Variants in KLK11 observed in about 807,000 individuals in gnomAD.
KLK11 encodes kallikrein related peptidase 11.
Under a neutral mutation model 23.4 loss-of-function variants are expected in KLK11, and 10 were observed. The observed-to-expected ratio is 0.43, with a 90% CI of 0.26 to 0.73. KLK11 has a LOEUF of 0.73. Ranked by LOEUF, KLK11 falls within the 30% of genes least tolerant of loss-of-function variation. KLK11 has a pLI of 0.22. For synonymous variants in KLK11, 131 were observed against 131.7 expected, an observed-to-expected ratio of 0.99 and a Z score of 0.03; for missense variants, 285 against 327.8, an observed-to-expected ratio of 0.87 and a Z score of 1.01.
Position 51,024,142 on chromosome 19 carries a change from G to A in KLK11, c.366C>T (p.Ile122=). 6.2e-7 allele frequency: 1 copy of A among 1,612,344 alleles called. No individual in the cohort carries two copies. Among genetic ancestry groups the A allele is most frequent in the Non-Finnish European group, 8.5e-7 (1 of 1,178,712 alleles). ...MLVKMASPVS[I]TWAVRPLTLS... ...GGGTGAGGGGTCGCACAGCCCAGGT[G>A]ATGGAGACTGGCGATGCCATCTTCA... Residue 122 remains isoleucine (I), a synonymous_variant, in exon 4 of 6, where the codon ATC becomes ATT. Coordinates refer to ENST00000453757, the MANE Select transcript of KLK11 (RefSeq NM_001136032.3). This position sits in a 1 kb window ranked among gnomAD's most constrained non-coding sequence, Gnocchi z 6.2.
rs2091415833 is a variant in KLK11 at position 51,022,532 on chromosome 19, G to T, written c.*13C>A. ...GAAATGGAGGGTGATGGGCTGTGGT[G>T]GGTGGGTCCAGTCTAATTGTTCTTC... is the stretch of plus-strand genomic sequence containing the variant. On this transcript the variant is annotated 3_prime_UTR_variant, in exon 6 of 6. Coordinates refer to ENST00000453757, the MANE Select transcript of KLK11 (RefSeq NM_001136032.3). 6.2e-7 allele frequency: 1 copy of T among 1,613,930 alleles called. No homozygotes were observed. Among genetic ancestry groups the T allele is most frequent in the African/African-American group, 1.3e-5 (1 of 75,020 alleles).
In KLK11 at chr19:51,024,382, C is replaced by T. The variant is rs866200611; in HGVS notation, c.198-72G>A. On this transcript the variant is annotated intron_variant, in intron 3 of 5. Transcript: ENST00000453757. This position sits in a 1 kb window ranked among gnomAD's most constrained non-coding sequence, Gnocchi z 6.2. Reference sequence around the variant, plus strand: ...CATGGGTGGGAGAGGTGAGTGACACCTTTGAGGATGAAGAAACATCGCTCT... The same window carrying T: ...CATGGGTGGGAGAGGTGAGTGACACTTTTGAGGATGAAGAAACATCGCTCT... The T allele has an allele frequency of 7.0e-6, 11 of 1,573,698 alleles. No individual in the cohort carries two copies. In the African/African-American group the frequency reaches 1.2e-4, roughly 17 times the overall value.
intron 4 of KLK11, 101 bp downstream of exon 4, chr19:51,023,944 A>G (rs2091438627): frequency 1.9e-6 from 2 of 1,046,974 alleles, no homozygotes; most frequent in Non-Finnish European, 2.6e-6. Flanking sequence ...CTTATCCCAC[A>G]TCGTCACTGT....
At position 51,025,801 on chromosome 19, in the gene KLK11, C is replaced by T. The variant is rs778819168; in HGVS notation, c.-35-135G>A. On this transcript the variant is annotated intron_variant, in intron 1 of 5. Transcript: ENST00000453757. The surrounding 1 kb of genome is among the most constrained non-coding windows in gnomAD (Gnocchi z 6.2). Reference sequence around the variant, plus strand: ...GGAGAAACAAGGTTGGGGAAATCCCCTGTTTCTCACAGCACTCAGATCTCC... The same window carrying T: ...GGAGAAACAAGGTTGGGGAAATCCCTTGTTTCTCACAGCACTCAGATCTCC... 70 of 512,952 alleles carry T rather than the reference C, an allele frequency of 1.4e-4. No homozygotes were observed. Among genetic ancestry groups the T allele is most frequent in the Middle Eastern group, 1.0e-3 (2 of 1,940 alleles). 31.8% of individuals were successfully genotyped at this position (512,952 alleles called of 1,614,324 possible). A position where few individuals can be genotyped will look rare whatever the true frequency, so the allele number is the denominator to read the frequency against.
At position 51,023,240 on chromosome 19, in the gene KLK11, G is replaced by A. The variant is rs2091429513; in HGVS notation, c.464-12C>T. 6.2e-6 allele frequency: 10 copies of A among 1,610,696 alleles called. No individual in the cohort carries two copies. Among genetic ancestry groups the A allele is most frequent in the Admixed American group, 1.7e-5 (1 of 59,690 alleles). On this transcript the variant is annotated splice_polypyrimidine_tract_variant and intron_variant, in intron 4 of 5. Transcript: ENST00000453757. ...GTGAGGCAGGCGTACTGTGGAAACA[G>A]CGTGAGGGGCTGTGGGAATGAGCCC...
chr19:51,022,369 G>T lies in KLK11; in HGVS notation c.*176C>A. The T allele has an allele frequency of 1.5e-6, 1 of 676,712 alleles. No individual in the cohort carries two copies. Among genetic ancestry groups the T allele is most frequent in the Non-Finnish European group, 2.6e-6 (1 of 390,082 alleles). The allele number at this position is 676,712 out of a possible 1,614,324, so 41.9% of individuals were successfully genotyped here. A position where few individuals can be genotyped will look rare whatever the true frequency, so the allele number is the denominator to read the frequency against. On this transcript the variant is annotated 3_prime_UTR_variant, in exon 6 of 6. Coordinates refer to ENST00000453757, the MANE Select transcript of KLK11 (RefSeq NM_001136032.3). The stretch of plus-strand genomic sequence containing the variant: ...ATTTCAAGGCAGAATTTGAATCCAG[G>T]TCTCACTGATTTCGAACCCCAGGTT...
In KLK11 at chr19:51,022,236, T is replaced by C; in HGVS notation, c.*309A>G. ...CATAGTAAGCACTCAGTAGATTCAC[T>C]CATTTAGCAAATATTTATTGAAACC... On this transcript the variant is annotated 3_prime_UTR_variant, in exon 6 of 6. Coordinates refer to ENST00000453757, the MANE Select transcript of KLK11 (RefSeq NM_001136032.3). 1 of 404,514 alleles carries C rather than the reference T, an allele frequency of 2.5e-6. No homozygotes were observed. Among genetic ancestry groups the C allele is most frequent in the Non-Finnish European group, 4.7e-6 (1 of 214,452 alleles). The allele number at this position is 404,514 out of a possible 1,614,324, so 25.1% of individuals were successfully genotyped here. A position where few individuals can be genotyped will look rare whatever the true frequency, so the allele number is the denominator to read the frequency against.
intron 4 of KLK11, 156 bp from the exon 5 acceptor site, chr19:51,023,384 C>CTTTTT (rs780238378): frequency 1.0e-4 from 50 of 483,580 alleles, no homozygotes; most frequent in African/African-American, 7.1e-4. Flanking sequence ...TGCTATCCAG[C>CTTTTT]TTTTTTTTTT....
At chr19:51,026,173 C>A (rs1331499705) in intron 1 of KLK11, among the ~76,000 whole-genome samples, 1 of 152,180 alleles carries the variant, frequency 6.6e-6, no homozygotes, top group Middle Eastern at 3.4e-3. Context: ...CAGCCCCAGA[C>A]AATGTCTGGG....
chr19:51,027,482 T>C (rs772781656), upstream of KLK11: 3 of 1,614,114 alleles, frequency 1.9e-6, no homozygotes, highest in South Asian at 2.2e-5. Context: ...CTCTGCCCGA[T>C]GACTTCCAGT....
In KLK11 at chr19:51,025,351, A is replaced by C. The variant is rs548323926; in HGVS notation, c.40+241T>G. ...GGCGCTTTGAGTGACTGCTCCCCCA[A>C]CTCCAGCTTCCTCAGCCCCTCCACG... On this transcript the variant is annotated intron_variant, in intron 2 of 5. Coordinates refer to ENST00000453757, the MANE Select transcript of KLK11 (RefSeq NM_001136032.3). The surrounding 1 kb of genome is among the most constrained non-coding windows in gnomAD (Gnocchi z 6.2). Among the ~76,000 whole-genome samples, 2 of 151,000 alleles carry C rather than the reference A, an allele frequency of 1.3e-5. No individual in the cohort carries two copies. The highest frequency in any genetic ancestry group is 6.6e-5 in the Admixed American group (1 of 15,192).
In KLK11 at chr19:51,024,755, T is replaced by C. The variant is rs1308794776; in HGVS notation, c.80A>G (p.Glu27Gly). ...GGETRIIKGFECKPHSQPWQA... is the reference protein window; with the variant it reads ...GGETRIIKGFGCKPHSQPWQA... ...CCAGGGCTGGGAGTGAGGCTTGCAC[T>C]CGAACCCCTTGATGATCCTGGTCTC... Residue 27 changes from glutamate (E) to glycine (G), a missense_variant, in exon 3 of 6, where the codon GAG (glutamate) becomes GGG (glycine). Transcript: ENST00000453757. The surrounding 1 kb of genome is among the most constrained non-coding windows in gnomAD (Gnocchi z 6.2). 3 of 1,601,542 alleles carry C rather than the reference T, an allele frequency of 1.9e-6. No individual in the cohort carries two copies. The highest frequency in any genetic ancestry group is 2.6e-6 in the Non-Finnish European group (3 of 1,176,000).
At position 51,024,350 on chromosome 19, in the gene KLK11, G is replaced by A. The variant is rs1184598699; in HGVS notation, c.198-40C>T. On this transcript the variant is annotated intron_variant, in intron 3 of 5. Transcript: ENST00000453757. The surrounding 1 kb of genome is among the most constrained non-coding windows in gnomAD (Gnocchi z 6.2). ...ACAGTAGTTGGAGGAGGAAAGGTCG[G>A]GGGAGACATGGGTGGGAGAGGTGAG... The A allele has an allele frequency of 6.3e-7, 1 of 1,599,102 alleles. No individual in the cohort carries two copies. The highest frequency in any genetic ancestry group is 1.3e-5 in the African/African-American group (1 of 74,876).
Position 51,022,560 on chromosome 19 carries a change from C to T in KLK11, c.738G>A (p.Thr246=), listed in dbSNP as rs146244352. Residue 246 remains threonine, a synonymous_variant, in exon 6 of 6, where the codon ACG becomes ACA. Coordinates refer to ENST00000453757, the MANE Select transcript of KLK11 (RefSeq NM_001136032.3). ...VCKYVDWIQE[T]MKNN is the part of the protein sequence containing the mutation. ...TGGGTCCAGTCTAATTGTTCTTCAT[C>T]GTCTCCTGGATCCAGTCCACATATT... 874 of 1,614,104 alleles carry T rather than the reference C, an allele frequency of 5.4e-4. 4 individuals are homozygous for T. Among genetic ancestry groups the T allele is most frequent in the African/African-American group, 4.7e-3 (350 of 75,018 alleles).
chr19:51,026,444 G>C (rs2091487167), intron 1 of KLK11, 94 bp downstream of exon 1: 1 of 435,828 alleles, frequency 2.3e-6, no homozygotes, highest in Non-Finnish European at 3.1e-6. Context: ...GGACAGAGCA[G>C]AGGGAGAAAT....
chr19:51,022,297 G>T lies in KLK11; in HGVS notation c.*248C>A, dbSNP rs1416123131. On this transcript the variant is annotated 3_prime_UTR_variant, in exon 6 of 6. Transcript: ENST00000453757. ...GCCAGGAGCTGTCTTTGGGGCTGGG[G>T]ATACAACAGAGAACAAACCAGGTGT... 9.2e-6 allele frequency: 5 copies of T among 540,794 alleles called. No homozygotes were observed. Among genetic ancestry groups the T allele is most frequent in the African/African-American group, 1.9e-5 (1 of 52,632 alleles). 33.5% of individuals were successfully genotyped at this position (540,794 alleles called of 1,614,324 possible). A position where few individuals can be genotyped will look rare whatever the true frequency, so the allele number is the denominator to read the frequency against.
Position 51,025,720 on chromosome 19 carries a change from G to GT in KLK11, c.-35-55_-35-54insA. ...ATCACTTTACGGGGAAATCGGGAGG[G>GT]GGGGGCTGGCTCATGCCCTCTCCTC... On this transcript the variant is annotated intron_variant, in intron 1 of 5. Transcript: ENST00000453757. This position sits in a 1 kb window ranked among gnomAD's most constrained non-coding sequence, Gnocchi z 6.2. 2 of 712,192 alleles carry GT rather than the reference G, an allele frequency of 2.8e-6. No homozygotes were observed. The highest frequency in any genetic ancestry group is 4.7e-6 in the Non-Finnish European group (2 of 423,812). The allele number at this position is 712,192 out of a possible 1,614,324, so 44.1% of individuals were successfully genotyped here. A position where few individuals can be genotyped will look rare whatever the true frequency, so the allele number is the denominator to read the frequency against.
At chr19:51,026,105 G>A (rs1352515260) in intron 1 of KLK11, among the ~76,000 whole-genome samples, 3 of 152,110 alleles carry the variant, frequency 2.0e-5, no homozygotes, top group Admixed American at 1.3e-4. Context: ...CTTTTTCATT[G>A]TCTTCGCAGC....
In KLK11 at chr19:51,024,715, G is replaced by T. The variant is rs765126785; in HGVS notation, c.120C>A (p.Phe40Leu). The T allele has an allele frequency of 1.2e-6, 2 of 1,601,350 alleles. No individual in the cohort carries two copies. Among genetic ancestry groups the T allele is most frequent in the Non-Finnish European group, 1.7e-6 (2 of 1,176,200 alleles). Residue 40 changes from phenylalanine (F) to leucine (L), a missense_variant, in exon 3 of 6, where the codon TTC becomes TTA. By Grantham distance (22) the Phe-to-Leu change is conservative. Transcript: ENST00000453757. The surrounding 1 kb of genome is among the most constrained non-coding windows in gnomAD (Gnocchi z 6.2). ...CCCCACAGAGTAGCCGCGTCTTCTC[G>T]AACAGGGCTGCCTGCCAGGGCTGGG... The part of the protein sequence containing the change: ...PHSQPWQAAL[F>L]EKTRLLCGAT...
Sources: gnomAD v4.1 joint callset for allele counts (sites outside exome capture counted in the v4.1 genomes callset) on GRCh38, gnomAD v4.1.1 for gene constraint, Gnocchi (gnomAD v3.1) non-coding constraint, MANE v1.5 for transcripts, NCBI Gene and HGNC (gene_info 2026-07-23, HGNC 2026-07-21) for gene names.